The following PTPN1 variants were observed in gnomAD, a reference collection of about 807,000 sequenced individuals.
PTPN1 encodes tyrosine-protein phosphatase non-receptor type 1.
In PTPN1, 12 loss-of-function variants were observed where a neutral mutation model predicts 59.9. The observed-to-expected ratio is 0.20, with a 90% CI of 0.13 to 0.32. PTPN1 has a LOEUF of 0.32. PTPN1 is among the 10% of genes least tolerant of loss of function. The pLI is 1.00. For synonymous variants in PTPN1, 178 were observed against 203.6 expected (o/e 0.87, Z 1.07); for missense variants, 356 against 549.2 (o/e 0.65, Z 3.52).
At chr20:50,519,249 CT>C in intron 1 of PTPN1, among the ~76,000 whole-genome samples, 1 of 152,186 alleles carries the variant, frequency 6.6e-6, no homozygotes. Flanking sequence ...CCTTTGTGAG[CT>C]TGAAGTTTCT....
rs1373809002 is a variant in PTPN1 at position 50,568,290 on chromosome 20, G to T, written c.256-90G>T. ...TCTGCCTAAGCTGTGGGGACTGAGG[G>T]CGCTGTCGTTAGCTGACTGCAGAAG... On this transcript the variant is annotated intron_variant, in intron 3 of 9. Transcript: ENST00000371621. This position sits in a 1 kb window ranked among gnomAD's most constrained non-coding sequence, Gnocchi z 5.6. The T allele has an allele frequency of 1.8e-6, 2 of 1,129,588 alleles. No individual in the cohort carries two copies. The highest frequency in any genetic ancestry group is 4.8e-5 in the East Asian group (2 of 41,706). 70.0% of individuals were successfully genotyped at this position (1,129,588 alleles called of 1,614,324 possible). A position where few individuals can be genotyped will look rare whatever the true frequency, so the allele number is the denominator to read the frequency against.
intron 2 of PTPN1, among the ~76,000 whole-genome samples, chr20:50,564,270 T>C (rs1378950287): frequency 6.6e-6 from 1 of 152,174 alleles, no homozygotes; most frequent in African/African-American, 2.4e-5. Flanking sequence ...CTTTTAAAGA[T>C]TGAAGCCACC....
chr20:50,573,116 C>T (rs1293336822), intron 4 of PTPN1: 1 of 152,280 alleles, frequency 6.6e-6, no homozygotes, highest in Non-Finnish European at 1.5e-5. Context: ...TGGGCAGCTT[C>T]CAGCTCCAGT....
chr20:50,580,957 C>T (rs923055817), intron 8 of PTPN1, among the ~76,000 whole-genome samples: 6 of 152,168 alleles, frequency 3.9e-5, no homozygotes, highest in African/African-American at 1.4e-4. Context: ...GTGTGTACAC[C>T]AGTGAGTCCT....
intron 1 of PTPN1, among the ~76,000 whole-genome samples, chr20:50,527,849 A>G (rs926952690): frequency 1.3e-5 from 2 of 151,948 alleles, no homozygotes; most frequent in Non-Finnish European, 2.9e-5. Flanking sequence ...GACCTTACTC[A>G]TCGGTGTCTT....
Position 50,561,448 on chromosome 20 carries a change from G to A in PTPN1, c.149G>A (p.Ser50Asn), listed in dbSNP as rs1267779326. The change falls in exon 2 of 10, where the codon AGT becomes AAT. Residue 50 changes from serine (S) to asparagine (N), a missense_variant. Transcript: ENST00000371621. ...AACCGAAATAGGTACAGAGACGTCA[G>A]TCCCTGTAAGTATCCACGTGGCCGG... is the stretch of plus-strand genomic sequence containing the variant. ...NKNRNRYRDV[S>N]PFDHSRIKLH... 6.2e-7 allele frequency: 1 copy of A among 1,603,214 alleles called. No homozygotes were observed. The highest frequency in any genetic ancestry group is 8.5e-7 in the Non-Finnish European group (1 of 1,171,126).
intron 1 of PTPN1, among the ~76,000 whole-genome samples, chr20:50,547,394 C>T (rs1289202887): frequency 2.0e-5 from 3 of 151,388 alleles, no homozygotes; most frequent in Non-Finnish European, 1.5e-5. Flanking sequence ...TTGAGAGTCT[C>T]GCTCTGTCAC....
At chr20:50,567,436 T>A (rs1376275629) in intron 3 of PTPN1, among the ~76,000 whole-genome samples, 4 of 150,258 alleles carry the variant, frequency 2.7e-5, no homozygotes. Flanking sequence ...CAAAAAAAAT[T>A]AAAAAAAAAT....
Position 50,583,087 on chromosome 20 carries a change from G to A in PTPN1, c.*372G>A. 1 of 282,218 alleles carries A rather than the reference G, an allele frequency of 3.5e-6. No individual in the cohort carries two copies. Among genetic ancestry groups the A allele is most frequent in the East Asian group, 6.4e-5 (1 of 15,564 alleles). 17.5% of individuals were successfully genotyped at this position (282,218 alleles called of 1,614,324 possible). A position where few individuals can be genotyped will look rare whatever the true frequency, so the allele number is the denominator to read the frequency against. On this transcript the variant is annotated 3_prime_UTR_variant, in exon 10 of 10. Coordinates refer to ENST00000371621, the MANE Select transcript of PTPN1 (RefSeq NM_002827.4). ...CGCCAACAGCCCCCCCCTTGAATCT[G>A]CAGGGAGCAACTCTCCACTCCATAT...
intron 1 of PTPN1, among the ~76,000 whole-genome samples, chr20:50,552,777 C>T (rs2082708398): frequency 1.3e-5 from 2 of 151,868 alleles, no homozygotes; most frequent in East Asian, 3.9e-4. Flanking sequence ...AGCTTCATCT[C>T]CACCACTTTG....
At chr20:50,518,807 A>T (rs2082539587) in intron 1 of PTPN1, among the ~76,000 whole-genome samples, 1 of 152,208 alleles carries the variant, frequency 6.6e-6, no homozygotes, top group Non-Finnish European at 1.5e-5. Flanking sequence ...TGGGGCCAAG[A>T]TCAGAAAGTT....
At chr20:50,563,030 G>T (rs2082760335) in intron 2 of PTPN1, 1 of 139,892 alleles carries the variant, frequency 7.1e-6, no homozygotes, top group Non-Finnish European at 1.5e-5. Flanking sequence ...GTACAGTAGT[G>T]TTTACAACTA....
chr20:50,577,017 T>C (rs2082840204), intron 5 of PTPN1, among the ~76,000 whole-genome samples: 1 of 152,200 alleles, frequency 6.6e-6, no homozygotes, highest in African/African-American at 2.4e-5. Flanking sequence ...GAGGAAAGAA[T>C]GATGGAATTG....
rs150366290 is a variant in PTPN1 at position 50,518,951 on chromosome 20, G to A, written c.63+8361G>A. ...GAGAATCCACATCCCTAGAATGCTGGGTTTCAATGGGCCCTTTATGTACCT... is the reference window on the plus strand; with the variant it reads ...GAGAATCCACATCCCTAGAATGCTGAGTTTCAATGGGCCCTTTATGTACCT... On this transcript the variant is annotated intron_variant, in intron 1 of 9. Transcript: ENST00000371621. Among the ~76,000 whole-genome samples, 1,034 of 152,198 alleles carry A rather than the reference G, an allele frequency of 6.8e-3. 9 individuals carry two copies. The highest frequency in any genetic ancestry group is 0.024 in the African/African-American group (991 of 41,510).
chr20:50,513,305 A>T (rs1445550740), intron 1 of PTPN1, among the ~76,000 whole-genome samples: 1 of 152,226 alleles, frequency 6.6e-6, no homozygotes. Context: ...ACACTTTCAA[A>T]TCATCCGGTT....
chr20:50,554,755 C>T (rs533392598), intron 1 of PTPN1, among the ~76,000 whole-genome samples: 71 of 151,960 alleles, frequency 4.7e-4, no homozygotes, highest in Non-Finnish European at 6.2e-4. Context: ...ATCGTGAATT[C>T]GATGCATATT....
At chr20:50,530,833 A>G (rs2082597804) in intron 1 of PTPN1, among the ~76,000 whole-genome samples, 1 of 152,016 alleles carries the variant, frequency 6.6e-6, no homozygotes, top group Non-Finnish European at 1.5e-5. Flanking sequence ...AACTGAGACT[A>G]CAGGCATGTA....
At chr20:50,556,673 G>A (rs1172055988) in intron 1 of PTPN1, among the ~76,000 whole-genome samples, 1 of 152,180 alleles carries the variant, frequency 6.6e-6, no homozygotes, top group Non-Finnish European at 1.5e-5. Context: ...CCAGTGGTTT[G>A]GCTGGGTGTC....
intron 6 of PTPN1, 37 bp from the exon 7 acceptor site, chr20:50,579,131 G>T (rs2082852060): frequency 6.2e-7 from 1 of 1,607,888 alleles, no homozygotes; most frequent in African/African-American, 1.3e-5. Context: ...CTTGAGAATT[G>T]GACCTGGCTG....
Sources: allele counts gnomAD v4.1 joint callset (sites outside exome capture counted in the v4.1 genomes callset), GRCh38; gene constraint gnomAD v4.1.1; non-coding constraint Gnocchi (gnomAD v3.1); transcripts MANE v1.5; gene names NCBI Gene and HGNC (gene_info 2026-07-23, HGNC 2026-07-21).